The following MRPL27 variants were observed in gnomAD, a reference collection of about 807,000 sequenced individuals.
MRPL27 encodes the protein mitochondrial ribosomal protein L27.
MRPL27 carries 4 observed loss-of-function variants against 14.6 expected under a neutral mutation model. The observed-to-expected ratio is 0.27, with a 90% CI of 0.14 to 0.63. The LOEUF (loss-of-function observed/expected upper bound fraction) is 0.63, where lower values mean the gene tolerates loss of function less well. MRPL27 is among the 20% of genes least tolerant of loss of function. The pLI, the probability that MRPL27 is intolerant of heterozygous loss-of-function variation, is 0.85. For missense variants in MRPL27, 196 were observed against 192.8 expected (o/e 1.02, Z -0.10); for synonymous variants, 82 against 75.5 (o/e 1.09, Z -0.45).
intron 2 of MRPL27, 88 bp downstream of exon 2, chr17:50,370,367 G>A (rs1225506844): frequency 3.8e-6 from 6 of 1,587,568 alleles, no homozygotes; most frequent in Non-Finnish European, 4.3e-6. Context: ...GGAAGAACAG[G>A]GCCAGGCACA....
chr17:50,370,483 G>T lies in MRPL27; in HGVS notation c.144C>A (p.Gly48=), dbSNP rs748089795. ...CCATTTTCTTAATGCCTTGGCGTCT[G>T]CCTGATGACTTTCCACCGAGGTTTT... is the stretch of plus-strand genomic sequence containing the variant. The part of the protein sequence containing the change: ...SSKNLGGKSS[G]RRQGIKKMEG... Residue 48 remains glycine (G), a synonymous_variant, in exon 2 of 4, where the codon GGC becomes GGA. Coordinates refer to ENST00000225969, the MANE Select transcript of MRPL27 (RefSeq NM_016504.3). 1 of 1,614,206 alleles carries T rather than the reference G, an allele frequency of 6.2e-7. No homozygotes were observed. Among genetic ancestry groups the T allele is most frequent in the Admixed American group, 1.7e-5 (1 of 60,026 alleles).
Position 50,368,127 on chromosome 17 carries a change from G to GCTTGGCAGGAAC in MRPL27, c.400_411dup (p.Val134_Lys137dup). The GCTTGGCAGGAAC allele has an allele frequency of 3.7e-6, 6 of 1,614,210 alleles. No homozygotes were observed. Among genetic ancestry groups the GCTTGGCAGGAAC allele is most frequent in the Non-Finnish European group, 5.1e-6 (6 of 1,180,034 alleles). Reference sequence around the variant, plus strand: ...GCTACCAGTTTGAAGGTGCCCTCAGGCTTGGCAGGAACCACGTGGACAAAA... The same window carrying GCTTGGCAGGAAC: ...GCTACCAGTTTGAAGGTGCCCTCAGGCTTGGCAGGAACCTTGGCAGGAACCACGTGGACAAAA... On this transcript the variant is annotated inframe_insertion, in exon 4 of 4. Transcript: ENST00000225969.
At position 50,367,883 on chromosome 17, in the gene MRPL27, G is replaced by A; in HGVS notation, c.*209C>T. 1.7e-6 allele frequency: 1 copy of A among 596,624 alleles called. No individual in the cohort carries two copies. The highest frequency in any genetic ancestry group is 2.0e-5 in the South Asian group (1 of 49,826). 37.0% of individuals were successfully genotyped at this position (596,624 alleles called of 1,614,324 possible). On this transcript the variant is annotated 3_prime_UTR_variant, in exon 4 of 4. Coordinates refer to ENST00000225969, the MANE Select transcript of MRPL27 (RefSeq NM_016504.3). The stretch of plus-strand genomic sequence containing the variant: ...ATCCAGGTGTGTCCCTAAATAGCAT[G>A]CGTTCATGACGCTGGCTCACTTTAT...
rs1913011572 is a variant in MRPL27 at position 50,368,028 on chromosome 17, C to G, written c.*64G>C. Reference sequence around the variant, plus strand: ...GCCGTGTCGCCACCCCAACCCTTGACTTCTGGTATCACCATCTCCTGTCAC... The same window carrying G: ...GCCGTGTCGCCACCCCAACCCTTGAGTTCTGGTATCACCATCTCCTGTCAC... On this transcript the variant is annotated 3_prime_UTR_variant, in exon 4 of 4. Transcript: ENST00000225969. 4.4e-6 allele frequency: 7 copies of G among 1,582,984 alleles called. No homozygotes were observed. The highest frequency in any genetic ancestry group is 5.2e-6 in the Non-Finnish European group (6 of 1,156,530).
chr17:50,370,532 G>A lies in MRPL27; in HGVS notation c.95C>T (p.Ser32Phe). 6.2e-7 allele frequency: 1 copy of A among 1,614,210 alleles called. No individual in the cohort carries two copies. The highest frequency in any genetic ancestry group is 8.5e-7 in the Non-Finnish European group (1 of 1,180,038). Residue 32 changes from serine to phenylalanine, a missense_variant, in exon 2 of 4, where the codon TCC becomes TTC. Physicochemically the swap from Ser to Phe is radical, Grantham distance 155 (BLOSUM62 -2). Transcript: ENST00000225969. ...TTTGGAGCTACCACCCGACTTCTTG[G>A]ATGCGTATCTGACAGCAAGAGCTGT... ...PATALAVRYA[S>F]KKSGGSSKNL... is the part of the protein sequence containing the mutation.
chr17:50,368,817 A>AT, intron 3 of MRPL27: 1 of 701,766 alleles, frequency 1.4e-6, no homozygotes, highest in Middle Eastern at 2.3e-4. Flanking sequence ...TTTAATACAC[A>AT]TTAAGTCATT....
At position 50,370,491 on chromosome 17, in the gene MRPL27, A is replaced by T. The variant is rs773308245; in HGVS notation, c.136T>A (p.Ser46Thr). The T allele has an allele frequency of 2.3e-5, 37 of 1,614,170 alleles. No homozygotes were observed. Among genetic ancestry groups the T allele is most frequent in the Non-Finnish European group, 2.8e-5 (33 of 1,180,028 alleles). The change falls in exon 2 of 4, where the codon TCA becomes ACA. Residue 46 changes from serine to threonine, a missense_variant. By Grantham distance (58) the Ser-to-Thr change is moderately conservative (BLOSUM62 1). Coordinates refer to ENST00000225969, the MANE Select transcript of MRPL27 (RefSeq NM_016504.3). ...GGSSKNLGGK[S>T]SGRRQGIKKM... is the part of the protein sequence containing the mutation. ...TTAATGCCTTGGCGTCTGCCTGATG[A>T]CTTTCCACCGAGGTTTTTGGAGCTA...
At chr17:50,371,014 C>T (rs191448730) in intron 1 of MRPL27, 4 of 164,958 alleles carry the variant, frequency 2.4e-5, no homozygotes, top group South Asian at 3.0e-4. Flanking sequence ...TTTTTAAAGA[C>T]GGAGCTTCAC....
Position 50,368,155 on chromosome 17 carries a change from C to T in MRPL27, c.384G>A (p.Lys128=). ...TRLPKGAVLY[K]TFVHVVPAKP... is the part of the protein sequence containing the mutation. ...TGGCAGGAACCACGTGGACAAAAGT[C>T]TTGTAGAGCACAGCACCCTTGGGCA... Residue 128 remains lysine, a synonymous_variant, in exon 4 of 4, where the codon AAG becomes AAA. Coordinates refer to ENST00000225969, the MANE Select transcript of MRPL27 (RefSeq NM_016504.3). 6.2e-7 allele frequency: 1 copy of T among 1,614,212 alleles called. No homozygotes were observed. Among genetic ancestry groups the T allele is most frequent in the Non-Finnish European group, 8.5e-7 (1 of 1,180,034 alleles).
At position 50,370,052 on chromosome 17, in the gene MRPL27, G is replaced by A. The variant is rs753847195; in HGVS notation, c.220C>T (p.Arg74Cys). The A allele has an allele frequency of 2.9e-5, 47 of 1,613,652 alleles. No homozygotes were observed. In the Middle Eastern group the frequency reaches 1.6e-3, roughly 57 times the overall value. The change falls in exon 3 of 4, where the codon CGC becomes TGC. Residue 74 changes from arginine (R) to cysteine (C), a missense_variant. Arg to Cys is a radical substitution (Grantham distance 180). Coordinates refer to ENST00000225969, the MANE Select transcript of MRPL27 (RefSeq NM_016504.3). The part of the protein sequence containing the change: ...GNIIATQRHF[R>C]WHPGAHVGVG... ...CTCACATGGGCACCTGGGTGCCAGC[G>A]GAAATGGCGCTGTGTTGCAATGATG... is the stretch of plus-strand genomic sequence containing the variant.
chr17:50,370,996 C>CT (rs368266454), intron 1 of MRPL27: 557 of 154,288 alleles, frequency 3.6e-3, no homozygotes, highest in Middle Eastern at 0.013. Flanking sequence ...GACTTTCTTT[C>CT]TTTTTTTTTT....
In MRPL27 at chr17:50,368,651, C is replaced by T. The variant is rs1162776020; in HGVS notation, c.241-353G>A. 8.4e-6 allele frequency: 5 copies of T among 595,818 alleles called. No homozygotes were observed. The East Asian group carries it at 1.4e-4, about 17-fold the overall frequency. The allele number at this position is 595,818 out of a possible 1,614,324, so 36.9% of individuals were successfully genotyped here. On this transcript the variant is annotated intron_variant, in intron 3 of 3. Coordinates refer to ENST00000225969, the MANE Select transcript of MRPL27 (RefSeq NM_016504.3). ...CACTTAGACTTAAACAACACTAGAA[C>T]TGTCATATTAAAACACTAGTTTGAT... is the stretch of plus-strand genomic sequence containing the variant.
In MRPL27 at chr17:50,368,237, T is replaced by C; in HGVS notation, c.302A>G (p.Lys101Arg). 1 of 1,614,196 alleles carries C rather than the reference T, an allele frequency of 6.2e-7. No individual in the cohort carries two copies. Among genetic ancestry groups the C allele is most frequent in the Non-Finnish European group, 8.5e-7 (1 of 1,180,042 alleles). ...TCTGGGATGAGGCACGTAGACCTCCTTAGTGTAGCGGACTATCCCCTCTTC... is the reference window on the plus strand; with the variant it reads ...TCTGGGATGAGGCACGTAGACCTCCCTAGTGTAGCGGACTATCCCCTCTTC... ...ALEEGIVRYT[K>R]EVYVPHPRNT... The change falls in exon 4 of 4, where the codon AAG (lysine) becomes AGG (arginine). Residue 101 changes from lysine (K) to arginine (R), a missense_variant. Coordinates refer to ENST00000225969, the MANE Select transcript of MRPL27 (RefSeq NM_016504.3).
chr17:50,368,337 G>C, intron 3 of MRPL27, 39 bp from the exon 4 acceptor site: 1 of 1,598,768 alleles, frequency 6.3e-7, no homozygotes, highest in South Asian at 1.1e-5. Context: ...CAGCTGGTCA[G>C]CGAGGTGGTC....
chr17:50,368,624 T>C, intron 3 of MRPL27: 1 of 592,268 alleles, frequency 1.7e-6, no homozygotes, highest in Non-Finnish European at 3.0e-6. Flanking sequence ...GCCCTAAATC[T>C]TCACTTAGAC....
chr17:50,372,911 G>A (rs201142889), intron 1 of MRPL27: 57 of 616,256 alleles, frequency 9.2e-5, no homozygotes, highest in South Asian at 3.4e-4. Flanking sequence ...GTGCTGCTGA[G>A]GCAGGAGAAA....
chr17:50,371,760 C>A (rs1457729586), intron 1 of MRPL27, among the ~76,000 whole-genome samples: 1 of 152,144 alleles, frequency 6.6e-6, no homozygotes, highest in Non-Finnish European at 1.5e-5. Flanking sequence ...ACATGCCCGG[C>A]GCCAGGATCT....
intron 2 of MRPL27, 53 bp downstream of exon 2, chr17:50,370,402 G>T: frequency 6.2e-7 from 1 of 1,612,624 alleles, no homozygotes. Context: ...GCTCTCCTAA[G>T]GAACATGAGG....
Position 50,373,130 on chromosome 17 carries a change from C to G in MRPL27, c.40+1G>C. On this transcript the variant is annotated splice_donor_variant, in intron 1 of 3. Coordinates refer to ENST00000225969, the MANE Select transcript of MRPL27 (RefSeq NM_016504.3). LOFTEE classifies it high-confidence loss of function. ...CCGCTCTGACTACTGCGTCCCATTACCGGCTGTCCGGGTCCTCAGCGCCAA... is the reference window on the plus strand; with the variant it reads ...CCGCTCTGACTACTGCGTCCCATTAGCGGCTGTCCGGGTCCTCAGCGCCAA... 1 of 1,614,202 alleles carries G rather than the reference C, an allele frequency of 6.2e-7. No individual in the cohort carries two copies. Among genetic ancestry groups the G allele is most frequent in the Non-Finnish European group, 8.5e-7 (1 of 1,180,042 alleles).
Sources: allele counts gnomAD v4.1 joint callset (sites outside exome capture counted in the v4.1 genomes callset), GRCh38; gene constraint gnomAD v4.1.1; transcripts MANE v1.5; gene names NCBI Gene and HGNC (gene_info 2026-07-23, HGNC 2026-07-21).